Variants in RRAGB observed in about 807,000 individuals in gnomAD.
RRAGB encodes the protein ras-related GTP-binding protein B.
RRAGB carries 6 observed loss-of-function variants against 29.3 expected under a neutral mutation model. The observed-to-expected ratio is 0.21, with a 90% CI of 0.11 to 0.40. The LOEUF (loss-of-function observed/expected upper bound fraction) is 0.40, where lower values mean the gene tolerates loss of function less well. RRAGB is among the 10% of genes least tolerant of loss of function. RRAGB has a pLI of 1.00. For missense variants in RRAGB, 184 were observed against 272.9 expected, an observed-to-expected ratio of 0.67 and a Z score of 2.29; for synonymous variants, 101 against 92.5, an observed-to-expected ratio of 1.09 and a Z score of -0.53.
intron 5 of RRAGB, among the ~76,000 whole-genome samples, chrX:55,735,626 A>G (rs1366892286): frequency 8.9e-6 from 1 of 112,479 alleles, no homozygotes; most frequent in Non-Finnish European, 1.9e-5. Flanking sequence ...GTTAATATTG[A>G]CATGTGATGT....
chrX:55,757,463 T>A (rs2034687535), intron 9 of RRAGB, 132 bp downstream of exon 9: 2 of 334,787 alleles, frequency 6.0e-6, no homozygotes, highest in East Asian at 8.2e-5. Flanking sequence ...GTGAGGGCAC[T>A]TAATCCCAAT....
chrX:55,734,329 A>G (rs1269010288), intron 5 of RRAGB, among the ~76,000 whole-genome samples: 2 of 101,754 alleles, frequency 2.0e-5, no homozygotes, highest in African/African-American at 7.3e-5. Flanking sequence ...CAGGATTTCT[A>G]TTTCTTTTCC....
At chrX:55,749,690 A>G (rs2034451857) in intron 5 of RRAGB, among the ~76,000 whole-genome samples, 1 of 111,452 alleles carries the variant, frequency 9.0e-6, no homozygotes, top group Non-Finnish European at 1.9e-5. Flanking sequence ...TTCTGTACTA[A>G]GAAAAATTCT....
At chrX:55,736,211 T>C (rs1390499398) in intron 5 of RRAGB, among the ~76,000 whole-genome samples, 2 of 112,433 alleles carry the variant, frequency 1.8e-5, no homozygotes, top group Admixed American at 9.4e-5. Context: ...AGCTTTTTGC[T>C]TTTTCTTCTC....
intron 1 of RRAGB, 47 bp from the exon 2 acceptor site, chrX:55,719,266 TC>T: frequency 9.2e-7 from 1 of 1,091,863 alleles, no homozygotes; most frequent in Non-Finnish European, 1.2e-6. Flanking sequence ...AATTTCAATT[TC>T]TAAGGGAATT....
chrX:55,729,925 G>A (rs755475066), intron 4 of RRAGB, among the ~76,000 whole-genome samples: 2 of 112,362 alleles, frequency 1.8e-5, no homozygotes, highest in East Asian at 5.6e-4. Flanking sequence ...AGTGTGCACT[G>A]CACAGTGGAT....
chrX:55,747,293 A>T (rs767294585), intron 5 of RRAGB, among the ~76,000 whole-genome samples: 9 of 112,621 alleles, frequency 8.0e-5, no homozygotes, highest in African/African-American at 2.9e-4. Context: ...TTAGAATCCT[A>T]CTTCTTCTTG....
chrX:55,718,988 A>G (rs1407363944), intron 1 of RRAGB, among the ~76,000 whole-genome samples: 1 of 112,152 alleles, frequency 8.9e-6, no homozygotes, highest in Non-Finnish European at 1.9e-5. Context: ...TAGAAATAGA[A>G]GATATTGTTT....
chrX:55,747,524 T>C (rs976174972), intron 5 of RRAGB, among the ~76,000 whole-genome samples: 4 of 112,155 alleles, frequency 3.6e-5, no homozygotes, highest in Non-Finnish European at 7.5e-5. Flanking sequence ...TCATCCTTTC[T>C]CTACTTTGTT....
At chrX:55,723,328 G>A (rs1271731733) in intron 3 of RRAGB, among the ~76,000 whole-genome samples, 3 of 110,494 alleles carry the variant, frequency 2.7e-5, no homozygotes, top group Admixed American at 9.6e-5. Flanking sequence ...TTTTACCAGA[G>A]ATGAGGTTTC....
intron 5 of RRAGB, among the ~76,000 whole-genome samples, chrX:55,744,319 C>A (rs1302027754): frequency 3.1e-5 from 3 of 95,603 alleles, no homozygotes; most frequent in African/African-American, 1.1e-4. Context: ...TTGCTTGAAC[C>A]CGGGAGGTGG....
intron 5 of RRAGB, among the ~76,000 whole-genome samples, chrX:55,750,617 G>A (rs1484851224): frequency 9.0e-6 from 1 of 111,529 alleles, no homozygotes; most frequent in Non-Finnish European, 1.9e-5. Context: ...CCATAACAGT[G>A]TGTATGTACA....
At chrX:55,722,475 G>T (rs1486644811) in intron 3 of RRAGB, among the ~76,000 whole-genome samples, 190 bp downstream of exon 3, 1 of 111,272 alleles carries the variant, frequency 9.0e-6, no homozygotes, top group African/African-American at 3.3e-5. Context: ...CTGTCTTGGG[G>T]GAGGTTCTTT....
chrX:55,750,695 C>T (rs1302375129), intron 5 of RRAGB, among the ~76,000 whole-genome samples: 1 of 111,024 alleles, frequency 9.0e-6, no homozygotes, highest in African/African-American at 3.3e-5. Context: ...GATATTTTTC[C>T]ATATCTATAT....
In RRAGB at chrX:55,754,708, C is replaced by G. The variant is rs192951926; in HGVS notation, c.736-1133C>G. ...CTACTATAGCAACAGGGCAGAGAATCCAAAGTACAATTTTTCCCTCTTCCT... is the reference window on the plus strand; with the variant it reads ...CTACTATAGCAACAGGGCAGAGAATGCAAAGTACAATTTTTCCCTCTTCCT... On this transcript the variant is annotated intron_variant, in intron 7 of 9. Transcript: ENST00000374941. Among the ~76,000 whole-genome samples, 3 of 112,231 alleles carry G rather than the reference C, an allele frequency of 2.7e-5. No homozygotes were observed. In the Admixed American group the frequency reaches 2.8e-4, roughly 11 times the overall value.
intron 3 of RRAGB, among the ~76,000 whole-genome samples, chrX:55,723,275 G>A (rs928259219): frequency 9.1e-6 from 1 of 109,872 alleles, no homozygotes; most frequent in Non-Finnish European, 1.9e-5. Context: ...ACGAGTAGCT[G>A]GAATTACAGG....
Position 55,718,167 on chromosome X carries a change from C to T in RRAGB, c.-161C>T. 2.9e-6 allele frequency: 1 copy of T among 347,446 alleles called. No homozygotes were observed. Among genetic ancestry groups the T allele is most frequent in the Admixed American group, 5.2e-5 (1 of 19,231 alleles). 28.6% of individuals were successfully genotyped at this position (347,446 alleles called of 1,213,427 possible). ...TAAAGGTAACCGTGGGGAAAGCGGC[C>T]CCCCAGTGGACAAAGGCGGAGGCAA... is the stretch of plus-strand genomic sequence containing the variant. On this transcript the variant is annotated 5_prime_UTR_variant, in exon 1 of 10. Coordinates refer to ENST00000374941, the MANE Select transcript of RRAGB (RefSeq NM_006064.5).
intron 4 of RRAGB, among the ~76,000 whole-genome samples, chrX:55,730,916 A>G (rs1343984054): frequency 9.0e-6 from 1 of 110,685 alleles, no homozygotes; most frequent in Non-Finnish European, 1.9e-5. Context: ...GTGAGGAAAT[A>G]TGGATTGAAC....
chrX:55,742,646 C>T (rs1420045073), intron 5 of RRAGB, among the ~76,000 whole-genome samples: 2 of 111,373 alleles, frequency 1.8e-5, no homozygotes, highest in Non-Finnish European at 3.8e-5. Flanking sequence ...CACTATGTTT[C>T]CTGGTAGACA....
Sources: gnomAD v4.1 joint callset for allele counts (sites outside exome capture counted in the v4.1 genomes callset) on GRCh38, gnomAD v4.1.1 for gene constraint, MANE v1.5 for transcripts, NCBI Gene and HGNC (gene_info 2026-07-23, HGNC 2026-07-21) for gene names.